The following CEP112 variants were observed in gnomAD, a reference collection of about 807,000 sequenced individuals.
The protein encoded by CEP112 is centrosomal protein 112, also known as centrosomal protein of 112 kDa.
CEP112 carries 127 observed loss-of-function variants against 153.0 expected under a neutral mutation model. The ratio of observed to expected loss-of-function variants is 0.83; its 90% CI spans 0.72 to 0.96. CEP112 has a LOEUF of 0.96. Ranked by LOEUF, CEP112 falls within the 40% of genes least tolerant of loss-of-function variation. The pLI is 0.00. For missense variants in CEP112, 1,089 were observed against 1,101.2 expected (o/e 0.99, Z 0.16); for synonymous variants, 358 against 374.4 (o/e 0.96, Z 0.51).
chr17:66,034,702 G>A (rs1308778130), intron 12 of CEP112, among the ~76,000 whole-genome samples: 1 of 151,828 alleles, frequency 6.6e-6, no homozygotes, highest in Non-Finnish European at 1.5e-5. Context: ...ACAAATCAGA[G>A]AAGAAAAATG....
intron 12 of CEP112, among the ~76,000 whole-genome samples, chr17:66,039,073 T>G (rs912396167): frequency 6.6e-6 from 1 of 152,130 alleles, no homozygotes; most frequent in Non-Finnish European, 1.5e-5. Flanking sequence ...GGGAAAAACA[T>G]AAATCTTCCA....
At chr17:65,858,201 A>C (rs753341189) in intron 20 of CEP112, among the ~76,000 whole-genome samples, 15 of 152,142 alleles carry the variant, frequency 9.9e-5, no homozygotes, top group Non-Finnish European at 2.1e-4. Flanking sequence ...TTTTCTATCA[A>C]TATTACAATC....
At chr17:66,114,555 C>A (rs2069197839) in intron 6 of CEP112, among the ~76,000 whole-genome samples, 1 of 152,168 alleles carries the variant, frequency 6.6e-6, no homozygotes, top group Non-Finnish European at 1.5e-5. Flanking sequence ...CCAAAACTCT[C>A]TCCATAGAAC....
At chr17:66,150,038 C>T (rs1196063829) in intron 4 of CEP112, among the ~76,000 whole-genome samples, 2 of 148,046 alleles carry the variant, frequency 1.4e-5, no homozygotes, top group South Asian at 2.1e-4. Context: ...GCACTACGGG[C>T]GCATGCTATC....
intron 21 of CEP112, among the ~76,000 whole-genome samples, chr17:65,756,880 A>C (rs1026244168): frequency 6.6e-6 from 1 of 152,148 alleles, no homozygotes; most frequent in Non-Finnish European, 1.5e-5. Context: ...GGGGAGGGCT[A>C]TGTCATGGAG....
At chr17:66,088,944 G>A (rs2068039655) in intron 8 of CEP112, among the ~76,000 whole-genome samples, 1 of 152,082 alleles carries the variant, frequency 6.6e-6, no homozygotes, top group Admixed American at 6.6e-5. Flanking sequence ...GTCAGCCCTT[G>A]CAGACCTAGG....
chr17:65,766,393 C>CA (rs1229958923), intron 21 of CEP112, among the ~76,000 whole-genome samples: 2 of 145,676 alleles, frequency 1.4e-5, no homozygotes, highest in South Asian at 2.2e-4. Context: ...AGCAGATACA[C>CA]AAAAAAATAA....
At chr17:66,101,900 T>C (rs1453075249) in intron 6 of CEP112, among the ~76,000 whole-genome samples, 1 of 152,168 alleles carries the variant, frequency 6.6e-6, no homozygotes, top group African/African-American at 2.4e-5. Context: ...CACCATGGAA[T>C]TTAAAATAAT....
At chr17:65,968,537 A>G (rs1294323299) in intron 17 of CEP112, among the ~76,000 whole-genome samples, 1 of 152,210 alleles carries the variant, frequency 6.6e-6, no homozygotes, top group Non-Finnish European at 1.5e-5. Context: ...CTTTTAGAGA[A>G]TTGTATTGCT....
At position 65,635,847 on chromosome 17, in the gene CEP112, A is replaced by G. The variant is rs184186798; in HGVS notation, c.*124T>C. On this transcript the variant is annotated 3_prime_UTR_variant, in exon 27 of 27. Transcript: ENST00000535342. Reference sequence around the variant, plus strand: ...AATGATGCATGTTTTTATGATCTTAATTACATTTAAGGATTTAAAAAATGC... The same window carrying G: ...AATGATGCATGTTTTTATGATCTTAGTTACATTTAAGGATTTAAAAAATGC... The G allele has an allele frequency of 7.0e-6, 7 of 1,006,542 alleles. No homozygotes were observed. The Admixed American group carries it at 1.4e-4, about 21-fold the overall frequency. 62.4% of individuals were successfully genotyped at this position (1,006,542 alleles called of 1,614,324 possible).
At chr17:66,074,037 G>A (rs866596063) in intron 8 of CEP112, among the ~76,000 whole-genome samples, 107 of 152,058 alleles carry the variant, frequency 7.0e-4, no homozygotes, top group African/African-American at 2.5e-3. Flanking sequence ...GTTTAAAGAA[G>A]TTCATATAAA....
intron 18 of CEP112, among the ~76,000 whole-genome samples, chr17:65,937,549 C>T (rs1300807126): frequency 5.2e-4 from 59 of 114,330 alleles, no homozygotes; most frequent in East Asian, 3.4e-3. Flanking sequence ...GGCCAGCCGC[C>T]CCGTCCGGGA....
chr17:65,863,751 AAAAAAAAAAG>A (rs1381142821), intron 20 of CEP112, among the ~76,000 whole-genome samples: 6 of 150,238 alleles, frequency 4.0e-5, no homozygotes, highest in Non-Finnish European at 7.4e-5. Context: ...CTCTGTCTCA[AAAAAAAAAAG>A]AAAAAAAAAA....
chr17:65,705,182 T>C (rs2048852771), intron 23 of CEP112, among the ~76,000 whole-genome samples: 1 of 152,218 alleles, frequency 6.6e-6, no homozygotes, highest in African/African-American at 2.4e-5. Flanking sequence ...GCAAGGGACA[T>C]GGAAATTTCA....
intron 24 of CEP112, among the ~76,000 whole-genome samples, chr17:65,668,685 C>G (rs1476432712): frequency 1.3e-5 from 2 of 152,160 alleles, no homozygotes; most frequent in African/African-American, 4.8e-5. Context: ...TGGGATGGAA[C>G]AAGAAGTGTT....
At chr17:66,145,104 T>TATC (rs1234015248) in intron 4 of CEP112, among the ~76,000 whole-genome samples, 2 of 152,218 alleles carry the variant, frequency 1.3e-5, no homozygotes, top group East Asian at 3.8e-4. Flanking sequence ...TATGCAGTGG[T>TATC]ATCACACTGT....
chr17:65,697,907 G>T (rs574691576), intron 23 of CEP112, among the ~76,000 whole-genome samples: 1 of 152,204 alleles, frequency 6.6e-6, no homozygotes, highest in African/African-American at 2.4e-5. Flanking sequence ...AGCCAGAGCC[G>T]CAGCTACTAC....
At chr17:65,992,950 A>C (rs1357744088) in intron 17 of CEP112, among the ~76,000 whole-genome samples, 1 of 151,976 alleles carries the variant, frequency 6.6e-6, no homozygotes, top group Non-Finnish European at 1.5e-5. Context: ...TTTTACTTTT[A>C]AGTTCGAGGG....
At chr17:65,995,927 A>C (rs545623574) in intron 17 of CEP112, among the ~76,000 whole-genome samples, 2 of 152,144 alleles carry the variant, frequency 1.3e-5, no homozygotes. Context: ...CCATGTAAGA[A>C]GTGCCTTTCG....
Sources: gnomAD v4.1 joint callset for allele counts (sites outside exome capture counted in the v4.1 genomes callset) on GRCh38, gnomAD v4.1.1 for gene constraint, MANE v1.5 for transcripts, NCBI Gene and HGNC (gene_info 2026-07-23, HGNC 2026-07-21) for gene names.